Variants in SYT1 observed in about 807,000 individuals in gnomAD.
SYT1 encodes the protein synaptotagmin-1.
Under a neutral mutation model 44.8 loss-of-function variants are expected in SYT1, and 8 were observed. That is an observed-to-expected ratio of 0.18 (90% CI 0.10 to 0.32). The LOEUF (loss-of-function observed/expected upper bound fraction) is 0.32. SYT1 is among the 10% of genes least tolerant of loss of function. The pLI, the probability that SYT1 is intolerant of heterozygous loss-of-function variation, is 1.00. For synonymous variants in SYT1, 154 were observed against 188.8 expected, an observed-to-expected ratio of 0.82 and a Z score of 1.51; for missense variants, 286 against 509.3, an observed-to-expected ratio of 0.56 and a Z score of 4.22.
intron 4 of SYT1, among the ~76,000 whole-genome samples, chr12:79,254,819 A>C (rs1335796870): frequency 1.3e-5 from 2 of 152,210 alleles, no homozygotes; most frequent in African/African-American, 4.8e-5. Context: ...TGCAGATGTG[A>C]TAATGGCAAG....
intron 4 of SYT1, among the ~76,000 whole-genome samples, chr12:79,280,073 C>A (rs1252011974): frequency 6.6e-6 from 1 of 151,700 alleles, no homozygotes; most frequent in Non-Finnish European, 1.5e-5. Flanking sequence ...CTATCCAAAG[C>A]AATCTTCGGA....
intron 2 of SYT1, among the ~76,000 whole-genome samples, chr12:79,018,113 G>T (rs910459941): frequency 6.6e-6 from 1 of 151,694 alleles, no homozygotes; most frequent in Non-Finnish European, 1.5e-5. Flanking sequence ...AACAATGATA[G>T]ACTGGATTAA....
rs76271423 is a variant in SYT1 at position 78,871,409 on chromosome 12, C to A, written c.-217+6300C>A. ...CTCTCTCTTTGAGAAGGAGAAAGAGCTAACTGAGTATCTTTTTCCCTCATG... is the reference window on the plus strand; with the variant it reads ...CTCTCTCTTTGAGAAGGAGAAAGAGATAACTGAGTATCTTTTTCCCTCATG... On this transcript the variant is annotated intron_variant, in intron 1 of 10. Coordinates refer to ENST00000261205, the MANE Select transcript of SYT1 (RefSeq NM_005639.3). 3.1e-3 allele frequency among the ~76,000 whole-genome samples: 467 copies of A among 152,088 alleles called. 1 individual carries two copies. Among genetic ancestry groups the A allele is most frequent in the African/African-American group, 0.011 (438 of 41,526 alleles).
intron 9 of SYT1, among the ~76,000 whole-genome samples, chr12:79,404,750 T>C (rs1002548977): frequency 2.6e-5 from 4 of 152,228 alleles, no homozygotes; most frequent in Non-Finnish European, 5.9e-5. Context: ...GTAAATTATA[T>C]GGCAAGAATT....
intron 3 of SYT1, among the ~76,000 whole-genome samples, chr12:79,069,612 T>C (rs1876126149): frequency 6.6e-6 from 1 of 152,040 alleles, no homozygotes; most frequent in Non-Finnish European, 1.5e-5. Flanking sequence ...CCCTGTAATG[T>C]AGAAAGATGG....
chr12:78,928,773 T>C (rs1459454321), intron 1 of SYT1, among the ~76,000 whole-genome samples: 2 of 152,142 alleles, frequency 1.3e-5, no homozygotes, highest in African/African-American at 4.8e-5. Context: ...CATCAGCTAC[T>C]CAGAATGATG....
chr12:78,994,242 C>T (rs1870208259), intron 2 of SYT1, among the ~76,000 whole-genome samples: 1 of 152,162 alleles, frequency 6.6e-6, no homozygotes, highest in South Asian at 2.1e-4. Context: ...GAAACATTAA[C>T]AAAGCACTTA....
At chr12:79,018,417 C>T (rs1319308006) in intron 2 of SYT1, among the ~76,000 whole-genome samples, 1 of 151,918 alleles carries the variant, frequency 6.6e-6, no homozygotes, top group African/African-American at 2.4e-5. Context: ...GGGTGCAGCA[C>T]ACCAACATGG....
chr12:79,353,609 T>G lies in SYT1; in HGVS notation c.918T>G (p.Gly306=). The change falls in exon 9 of 11, where the codon GGT becomes GGG. Residue 306 remains glycine, a synonymous_variant. Transcript: ENST00000261205. ...AGAACCTGAAGAAGATGGATGTGGG[T>G]GGCTTATCCGGTAAGCCTGCAGTGT... ...EAKNLKKMDV[G]GLSDPYVKIH... is the part of the protein sequence containing the mutation. 1 of 1,613,478 alleles carries G rather than the reference T, an allele frequency of 6.2e-7. No homozygotes were observed. The highest frequency in any genetic ancestry group is 8.5e-7 in the Non-Finnish European group (1 of 1,179,368).
chr12:78,955,650 G>A (rs1879171076), intron 1 of SYT1: 1 of 152,032 alleles, frequency 6.6e-6, no homozygotes, highest in Non-Finnish European at 1.5e-5. Context: ...ACCTCTTAAT[G>A]CCATTTTTGG....
Position 78,931,977 on chromosome 12 carries a change from T to C in SYT1, c.-216-45822T>C, listed in dbSNP as rs546483133. Among the ~76,000 whole-genome samples, 18 of 152,308 alleles carry C rather than the reference T, an allele frequency of 1.2e-4. 1 individual carries two copies. The South Asian group carries it at 1.9e-3, about 16-fold the overall frequency. On this transcript the variant is annotated intron_variant, in intron 1 of 10. Coordinates refer to ENST00000261205, the MANE Select transcript of SYT1 (RefSeq NM_005639.3). ...AAGAATCTTTAAACTTTGACATGAC[T>C]ATCCTAAAGATGAGCACATCTGAGT...
At chr12:79,173,521 A>G (rs553437104) in intron 3 of SYT1, among the ~76,000 whole-genome samples, 1 of 152,208 alleles carries the variant, frequency 6.6e-6, no homozygotes, top group Non-Finnish European at 1.5e-5. Context: ...CGGTTGGAAT[A>G]TGAAGAGTAA....
chr12:79,124,307 C>A (rs933037073), intron 3 of SYT1, among the ~76,000 whole-genome samples: 1 of 151,842 alleles, frequency 6.6e-6, no homozygotes, highest in Non-Finnish European at 1.5e-5. Flanking sequence ...ATATACCCTT[C>A]GCAACTTTCT....
chr12:79,443,269 C>T (rs1175177081), intron 9 of SYT1, among the ~76,000 whole-genome samples: 1 of 152,144 alleles, frequency 6.6e-6, no homozygotes, highest in East Asian at 1.9e-4. Flanking sequence ...CACCCTTCAA[C>T]CTTCACATCT....
chr12:79,314,265 A>T (rs1011684913), intron 8 of SYT1, among the ~76,000 whole-genome samples: 51 of 151,512 alleles, frequency 3.4e-4, no homozygotes, highest in African/African-American at 1.2e-3. Context: ...CATTGCTCTG[A>T]TGACTAGATT....
At chr12:78,865,835 T>A (rs1873512908) in intron 1 of SYT1, among the ~76,000 whole-genome samples, 1 of 152,160 alleles carries the variant, frequency 6.6e-6, no homozygotes, top group Non-Finnish European at 1.5e-5. Flanking sequence ...TGACTTTTCC[T>A]GTTTCCATCT....
chr12:79,154,270 T>C (rs1044206634), intron 3 of SYT1, among the ~76,000 whole-genome samples: 2 of 152,132 alleles, frequency 1.3e-5, no homozygotes, highest in Admixed American at 6.6e-5. Context: ...AAAACTATTA[T>C]TTTAGTTTAG....
At chr12:78,982,162 C>A (rs1207778996) in intron 2 of SYT1, among the ~76,000 whole-genome samples, 1 of 152,126 alleles carries the variant, frequency 6.6e-6, no homozygotes, top group East Asian at 1.9e-4. Flanking sequence ...CTACTACATT[C>A]AAATTGAAGA....
chr12:79,145,746 T>G lies in SYT1; in HGVS notation c.-17-71757T>G, dbSNP rs958778539. Among the ~76,000 whole-genome samples the G allele has an allele frequency of 8.8e-4, 114 of 128,998 alleles. 1 individual carries two copies. Among genetic ancestry groups the G allele is most frequent in the Admixed American group, 1.4e-3 (19 of 13,938 alleles). The allele number at this position is 128,998 out of a possible 152,430, so 84.6% of individuals were successfully genotyped here. On this transcript the variant is annotated intron_variant, in intron 3 of 10. Transcript: ENST00000261205. Reference sequence around the variant, plus strand: ...AGATTTAAACATAGTGGTTTTTTTTTTTTTTTGTTTGTTTGTTTGTTTGTT... The same window carrying G: ...AGATTTAAACATAGTGGTTTTTTTTGTTTTTTGTTTGTTTGTTTGTTTGTT...
Sources: allele counts gnomAD v4.1 joint callset (sites outside exome capture counted in the v4.1 genomes callset), GRCh38; gene constraint gnomAD v4.1.1; transcripts MANE v1.5; gene names NCBI Gene and HGNC (gene_info 2026-07-23, HGNC 2026-07-21).